Variants in SYT14 observed in about 807,000 individuals in gnomAD.
SYT14 encodes synaptotagmin 14, also known as synaptotagmin-14.
A neutral mutation model predicts 74.2 loss-of-function variants in SYT14; 32 were observed. That is an observed-to-expected ratio of 0.43 (90% CI 0.33 to 0.58). SYT14 has a LOEUF of 0.58. Ranked by LOEUF, SYT14 falls within the 20% of genes least tolerant of loss-of-function variation. SYT14 has a pLI of 0.05. For synonymous variants in SYT14, 298 were observed against 337.7 expected (o/e 0.88, Z 1.29); for missense variants, 791 against 981.8 (o/e 0.81, Z 2.60).
rs1229703625 is a variant in SYT14 at position 210,114,397 on chromosome 1, C to T, written c.2034+13936C>T. Reference sequence around the variant, plus strand: ...TCACAGCAGAGGCAGGTAATTGCAACTCTTCTCTATTATTGTACACCTTGA... The same window carrying T: ...TCACAGCAGAGGCAGGTAATTGCAATTCTTCTCTATTATTGTACACCTTGA... On this transcript the variant is annotated intron_variant, in intron 7 of 9. Transcript: ENST00000637265. Among the ~76,000 whole-genome samples, 6 of 151,510 alleles carry T rather than the reference C, an allele frequency of 4.0e-5. 1 individual carries two copies. The highest frequency in any genetic ancestry group is 6.5e-5 in the Admixed American group (1 of 15,280).
chr1:210,023,433 T>A (rs1220420151), intron 5 of SYT14, among the ~76,000 whole-genome samples: 1 of 152,202 alleles, frequency 6.6e-6, no homozygotes, highest in Non-Finnish European at 1.5e-5. Flanking sequence ...AACCTCTGCC[T>A]CTTGGGTTCA....
chr1:210,133,913 A>C (rs918961810), intron 7 of SYT14, among the ~76,000 whole-genome samples: 1 of 149,042 alleles, frequency 6.7e-6, no homozygotes, highest in African/African-American at 2.5e-5. Context: ...CACCAACTCC[A>C]TAGGAATGGA....
intron 7 of SYT14, among the ~76,000 whole-genome samples, chr1:210,150,276 T>TGCCTGAAGCTGCCTGTGTACAA (rs2083131790): frequency 6.6e-6 from 1 of 152,130 alleles, no homozygotes; most frequent in Non-Finnish European, 1.5e-5. Flanking sequence ...GATCAATGAG[T>TGCCTGAAGCTGCCTGTGTACAA]GCCTGAAGCT....
At position 210,026,766 on chromosome 1, in the gene SYT14, C is replaced by T. The variant is rs141740499; in HGVS notation, c.1312+5512C>T. 1.0e-4 allele frequency among the ~76,000 whole-genome samples: 15 copies of T among 147,992 alleles called. 1 individual carries two copies. The East Asian group carries it at 3.0e-3, about 29-fold the overall frequency. On this transcript the variant is annotated intron_variant, in intron 5 of 9. Coordinates refer to ENST00000637265, the Ensembl canonical transcript of SYT14. ...ATTTATTCCTTTTATTTATATTTTG[C>T]TTTTATAATAATTTAATATTTAAGA...
intron 7 of SYT14, among the ~76,000 whole-genome samples, chr1:210,104,060 A>G (rs1461956661): frequency 6.6e-6 from 1 of 152,222 alleles, no homozygotes; most frequent in East Asian, 1.9e-4. Flanking sequence ...TACAGACTGA[A>G]CAAAGAAGCA....
At chr1:210,056,600 G>A (rs2081101109) in intron 5 of SYT14, among the ~76,000 whole-genome samples, 1 of 147,814 alleles carries the variant, frequency 6.8e-6, no homozygotes, top group Admixed American at 6.9e-5. Flanking sequence ...CAGATCATGA[G>A]GTCAGGAGAT....
chr1:210,120,550 G>A (rs570345584), intron 7 of SYT14, among the ~76,000 whole-genome samples: 13 of 152,082 alleles, frequency 8.5e-5, no homozygotes, highest in Admixed American at 7.9e-4. Context: ...TGCCTACAGT[G>A]TTCAGTACGG....
At chr1:210,147,908 G>A (rs564889084) in intron 7 of SYT14, among the ~76,000 whole-genome samples, 40 of 152,206 alleles carry the variant, frequency 2.6e-4, no homozygotes, top group African/African-American at 9.4e-4. Context: ...CACTGCAAGC[G>A]GATGGAGCAG....
At chr1:210,013,897 A>G (rs939782353) in intron 3 of SYT14, 100 bp downstream of exon 3, 6 of 1,137,374 alleles carry the variant, frequency 5.3e-6, no homozygotes, top group Admixed American at 5.2e-5. Flanking sequence ...GTGACATACA[A>G]TAAACTAATA....
At chr1:210,133,547 T>C (rs1291301605) in intron 7 of SYT14, among the ~76,000 whole-genome samples, 3 of 152,206 alleles carry the variant, frequency 2.0e-5, no homozygotes, top group African/African-American at 7.2e-5. Context: ...GTGGTGCCAG[T>C]AATGGTGAAT....
At chr1:210,053,645 T>G (rs1018185989) in intron 5 of SYT14, among the ~76,000 whole-genome samples, 1 of 152,188 alleles carries the variant, frequency 6.6e-6, no homozygotes, top group South Asian at 2.1e-4. Context: ...AATGTAACAA[T>G]TCCTAGCATT....
chr1:210,066,950 C>T (rs2081307632), intron 5 of SYT14, among the ~76,000 whole-genome samples: 2 of 151,988 alleles, frequency 1.3e-5, no homozygotes, highest in African/African-American at 2.4e-5. Context: ...ACTTTAAGCT[C>T]TTATATTTAG....
chr1:209,958,924 G>A (rs183425968), intron 2 of SYT14, among the ~76,000 whole-genome samples: 24 of 152,128 alleles, frequency 1.6e-4, no homozygotes, highest in East Asian at 3.9e-4. Context: ...ACAAGTGTTG[G>A]CGAGGATGTG....
chr1:210,128,007 G>A (rs936960204), intron 7 of SYT14, among the ~76,000 whole-genome samples: 24 of 151,908 alleles, frequency 1.6e-4, no homozygotes, highest in African/African-American at 5.6e-4. Flanking sequence ...TCCAGCCTGG[G>A]CAAAAAGAGA....
At chr1:210,023,892 A>G (rs1288102960) in intron 5 of SYT14, among the ~76,000 whole-genome samples, 1 of 152,230 alleles carries the variant, frequency 6.6e-6, no homozygotes, top group African/African-American at 2.4e-5. Context: ...TTTAAGCAGG[A>G]GAGTGTGATA....
chr1:209,950,781 T>A (rs1274686368), intron 1 of SYT14, among the ~76,000 whole-genome samples: 1 of 152,164 alleles, frequency 6.6e-6, no homozygotes, highest in Non-Finnish European at 1.5e-5. Context: ...TTCTGTTTCT[T>A]ATAACCAAGC....
rs765770636 is a variant in SYT14, at chr1:210,094,535, A to C, written c.1526A>C (p.His509Pro). ...ACAGGTCATGAAATAGAAAGTTTTC[A>C]TAATAAAGGATATGAAGAAGATGTT... The change falls in exon 6 of 10, where the codon CAT becomes CCT. Residue 509 changes from histidine (H) to proline (P), a missense_variant. Transcript: ENST00000637265. 1.9e-6 allele frequency: 3 copies of C among 1,611,624 alleles called. No individual in the cohort carries two copies. The African/African-American group carries it at 4.0e-5, about 21-fold the overall frequency.
chr1:210,085,468 T>G (rs551023813), intron 5 of SYT14, among the ~76,000 whole-genome samples: 6 of 152,318 alleles, frequency 3.9e-5, no homozygotes, highest in African/African-American at 9.6e-5. Context: ...GGTAAAACTT[T>G]CAACATTTCA....
At chr1:209,960,769 A>T (rs1181331962) in intron 2 of SYT14, among the ~76,000 whole-genome samples, 1 of 152,212 alleles carries the variant, frequency 6.6e-6, no homozygotes, top group African/African-American at 2.4e-5. Context: ...TGTGCATGGT[A>T]GTGGTAGGTT....
Sources: gnomAD v4.1 joint callset for allele counts (sites outside exome capture counted in the v4.1 genomes callset) on GRCh38, gnomAD v4.1.1 for gene constraint, MANE v1.5 for transcripts, NCBI Gene and HGNC (gene_info 2026-07-23, HGNC 2026-07-21) for gene names.